Variants in CR1 observed in about 807,000 individuals in gnomAD.
The protein encoded by CR1 is complement receptor type 1.
CR1 carries 116 observed loss-of-function variants against 187.3 expected under a neutral mutation model. The ratio of observed to expected loss-of-function variants is 0.62; its 90% confidence interval spans 0.53 to 0.72. CR1 has a LOEUF of 0.72. Ranked by LOEUF, CR1 falls within the 30% of genes least tolerant of loss-of-function variation. The pLI is 0.00. For missense variants in CR1, 1,731 were observed against 2,110.7 expected, an observed-to-expected ratio of 0.82 and a Z score of 3.52; for synonymous variants, 576 against 747.1, an observed-to-expected ratio of 0.77 and a Z score of 3.73.
intron 28 of CR1, among the ~76,000 whole-genome samples, 200 bp from the exon 29 acceptor site, chr1:207,577,605 A>G (rs927877327): frequency 1.3e-5 from 2 of 152,074 alleles, no homozygotes; most frequent in African/African-American, 4.8e-5. Context: ...CCCCATCTCT[A>G]CTAAAAATAC....
At position 207,593,084 on chromosome 1, in the gene CR1, CAA is replaced by C. The variant is rs57700679; in HGVS notation, c.5810+4328_5810+4329del. On this transcript the variant is annotated intron_variant, in intron 35 of 46. Coordinates refer to ENST00000367049, the MANE Select transcript of CR1 (RefSeq NM_000651.6). Reference sequence around the variant, plus strand: ...ACCAATGGCTTTCTTCACAGAATTACAAAAAAAAAAAAAAAAAAACTACTTTA... The same window carrying C: ...ACCAATGGCTTTCTTCACAGAATTACAAAAAAAAAAAAAAAAACTACTTTA... Among the ~76,000 whole-genome samples the C allele has an allele frequency of 6.6e-3, 546 of 83,104 alleles. 4 individuals carry two copies. The highest frequency in any genetic ancestry group is 0.026 in the African/African-American group (515 of 20,020). 54.5% of individuals were successfully genotyped at this position (83,104 alleles called of 152,430 possible).
Position 207,619,925 on chromosome 1 carries a change from A to G in CR1, c.7112A>G (p.Glu2371Gly), listed in dbSNP as rs775279350. 106 of 1,604,862 alleles carry G rather than the reference A, an allele frequency of 6.6e-5. No homozygotes were observed. The highest frequency in any genetic ancestry group is 8.0e-5 in the Non-Finnish European group (94 of 1,175,340). Residue 2371 changes from glutamate (E) to glycine (G), a missense_variant, in exon 43 of 47, where the codon GAG (glutamate) becomes GGG (glycine). Physicochemically the swap from Glu to Gly is moderately conservative, Grantham distance 98 (BLOSUM62 -2). Coordinates refer to ENST00000367049, the MANE Select transcript of CR1 (RefSeq NM_000651.6). ...CTGTTTATGAATGGAATCTCGAAGG[A>G]GTTAGAAATGAAAAAAGTATATCAC... Reference protein sequence around the residue: ...FPLFMNGISKELEMKKVYHYG... With the variant: ...FPLFMNGISKGLEMKKVYHYG...
Position 207,587,372 on chromosome 1 carries a change from G to A in CR1, c.5531-14G>A, listed in dbSNP as rs1195341806. On this transcript the variant is annotated splice_polypyrimidine_tract_variant and intron_variant, in intron 33 of 46. Coordinates refer to ENST00000367049, the MANE Select transcript of CR1 (RefSeq NM_000651.6). ...CTCTGCTAACTTTGATATTCCTGTG[G>A]TTTTTCTCTCCAGGTCACTGTAAAA... 6.3e-7 allele frequency: 1 copy of A among 1,599,594 alleles called. No homozygotes were observed. The highest frequency in any genetic ancestry group is 1.7e-5 in the Admixed American group (1 of 58,082).
At chr1:207,575,481 G>T (rs1660713276) in intron 27 of CR1, 114 bp from the exon 28 acceptor site, 7 of 1,317,416 alleles carry the variant, frequency 5.3e-6, no homozygotes, top group Admixed American at 1.7e-5. Flanking sequence ...TAAAGTTTAG[G>T]CTAGGCCTTA....
chr1:207,632,479 A>G (rs907309185), intron 46 of CR1, among the ~76,000 whole-genome samples: 2 of 152,250 alleles, frequency 1.3e-5, no homozygotes, highest in African/African-American at 4.8e-5. Flanking sequence ...CAAATAAATA[A>G]TGCAGGAAGT....
chr1:207,614,466 A>G lies in CR1; in HGVS notation c.6638A>G (p.Asn2213Ser), dbSNP rs1306489717. The G allele has an allele frequency of 1.3e-5, 21 of 1,611,406 alleles. 1 individual carries two copies. Among genetic ancestry groups the G allele is most frequent in the Middle Eastern group, 3.3e-4 (2 of 6,046 alleles). The change falls in exon 40 of 47, where the codon AAT becomes AGT. Residue 2213 changes from asparagine to serine, a missense_variant. Physicochemically the swap from Asn to Ser is conservative, Grantham distance 46 (BLOSUM62 1). Transcript: ENST00000367049. Reference protein sequence around the residue: ...CVLAGMKALWNSSVPVCEQIF... With the variant: ...CVLAGMKALWSSSVPVCEQIF... ...TTGGCTGGAATGAAAGCCCTTTGGA[A>G]TAGCAGTGTTCCAGTGTGTGAACGT...
intron 46 of CR1, among the ~76,000 whole-genome samples, chr1:207,632,068 T>C (rs969059474): frequency 1.3e-5 from 2 of 152,220 alleles, no homozygotes; most frequent in African/African-American, 4.8e-5. Flanking sequence ...CAAACTTTTC[T>C]AAACAAAAAA....
chr1:207,575,202 T>TACAC (rs56173301), intron 27 of CR1, among the ~76,000 whole-genome samples: 10,569 of 149,362 alleles, frequency 0.071, 384 homozygotes, highest in Non-Finnish European at 0.085. Context: ...CATAGTATTA[T>TACAC]ACACACACAC....
At chr1:207,579,119 G>A (rs1414138144) in intron 29 of CR1, among the ~76,000 whole-genome samples, 3 of 152,156 alleles carry the variant, frequency 2.0e-5, no homozygotes, top group Non-Finnish European at 2.9e-5. Flanking sequence ...AAGCATGAAC[G>A]AACAGGACTA....
rs779108500 is a variant in CR1, at chr1:207,630,500, T to A, written c.7353-17T>A. 3 of 1,514,210 alleles carry A rather than the reference T, an allele frequency of 2.0e-6. No homozygotes were observed. The allele number at this position is 1,514,210 out of a possible 1,614,324, so 93.8% of individuals were successfully genotyped here. On this transcript the variant is annotated splice_polypyrimidine_tract_variant and intron_variant, in intron 45 of 46. Transcript: ENST00000367049. ...AATGATTAAGACAGTTTTTCTATTT[T>A]TTTCTCTGCCAATTAGCAATAATGC...
chr1:207,510,399 C>T (rs970079511), intron 3 of CR1, among the ~76,000 whole-genome samples: 4 of 152,044 alleles, frequency 2.6e-5, no homozygotes, highest in Non-Finnish European at 5.9e-5. Context: ...TTTATGTTGC[C>T]AGGTTTTCTT....
At chr1:207,631,849 A>C (rs1662655618) in intron 46 of CR1, among the ~76,000 whole-genome samples, 1 of 152,226 alleles carries the variant, frequency 6.6e-6, no homozygotes, top group South Asian at 2.1e-4. Context: ...AGAAAGCAGA[A>C]GCAAAAGCAC....
chr1:207,519,515 T>C (rs899938637), intron 4 of CR1, among the ~76,000 whole-genome samples: 2 of 152,200 alleles, frequency 1.3e-5, no homozygotes, highest in African/African-American at 2.4e-5. Context: ...TGATTTACTA[T>C]AGTCTGCTAA....
chr1:207,620,741 T>C (rs557634093), intron 43 of CR1, among the ~76,000 whole-genome samples: 35 of 152,334 alleles, frequency 2.3e-4, no homozygotes, highest in African/African-American at 7.9e-4. Flanking sequence ...TTCTAAATTA[T>C]CAGCTTGACA....
intron 46 of CR1, among the ~76,000 whole-genome samples, chr1:207,636,530 T>C (rs1558286016): frequency 6.6e-6 from 1 of 152,144 alleles, no homozygotes; most frequent in Non-Finnish European, 1.5e-5. Context: ...CAAATGACAG[T>C]TTGTCTAAGA....
intron 4 of CR1, among the ~76,000 whole-genome samples, chr1:207,521,595 A>G (rs1185903418): frequency 8.0e-6 from 1 of 125,016 alleles, no homozygotes; most frequent in Non-Finnish European, 1.7e-5. Flanking sequence ...ACAATTCTAG[A>G]CTTTTTATTT....
chr1:207,577,220 C>T (rs1199400097), intron 28 of CR1, among the ~76,000 whole-genome samples: 3 of 150,190 alleles, frequency 2.0e-5, no homozygotes, highest in African/African-American at 7.3e-5. Context: ...CACTGCACTC[C>T]AGTGTGGGGA....
chr1:207,521,721 C>T (rs1215433030), intron 4 of CR1, among the ~76,000 whole-genome samples: 2 of 144,194 alleles, frequency 1.4e-5, no homozygotes, highest in East Asian at 4.0e-4. Flanking sequence ...CAGCCTCAAC[C>T]TTCACAGGCT....
rs141180679 is a variant in CR1 at position 207,502,907 on chromosome 1, G to T, written c.122-2997G>T. Among the ~76,000 whole-genome samples, 3 of 152,280 alleles carry T rather than the reference G, an allele frequency of 2.0e-5. No homozygotes were observed. The South Asian group carries it at 6.2e-4, about 32-fold the overall frequency. ...TGAGAAGTCCCAGGCTGAATCCGGG[G>T]CACATTCACTCAGGAGAGCTGAGGT... On this transcript the variant is annotated intron_variant, in intron 1 of 46. Coordinates refer to ENST00000367049, the MANE Select transcript of CR1 (RefSeq NM_000651.6).
Sources: gnomAD v4.1 joint callset for allele counts (sites outside exome capture counted in the v4.1 genomes callset) on GRCh38, gnomAD v4.1.1 for gene constraint, MANE v1.5 for transcripts, NCBI Gene and HGNC (gene_info 2026-07-23, HGNC 2026-07-21) for gene names.